The following UNC79 variants were observed in gnomAD, a reference collection of about 807,000 sequenced individuals.
The protein encoded by UNC79 is protein unc-79 homolog.
In UNC79, 37 loss-of-function variants were observed where a neutral mutation model predicts 283.1. That is an observed-to-expected ratio of 0.13 (90% CI 0.10 to 0.17). UNC79 has a LOEUF of 0.17. UNC79 is among the 10% of genes least tolerant of loss of function. The pLI is 1.00. For missense variants in UNC79, 2,272 were observed against 3,211.1 expected (o/e 0.71, Z 7.07); for synonymous variants, 1,107 against 1,200.2 (o/e 0.92, Z 1.61).
chr14:93,480,066 C>T (rs2058046337), intron 4 of UNC79, among the ~76,000 whole-genome samples: 1 of 152,184 alleles, frequency 6.6e-6, no homozygotes, highest in Non-Finnish European at 1.5e-5. Context: ...TGATAGCTGA[C>T]AATTTGTTTC....
At chr14:93,391,775 A>G (rs896720039) in intron 1 of UNC79, among the ~76,000 whole-genome samples, 3 of 152,216 alleles carry the variant, frequency 2.0e-5, no homozygotes, top group Non-Finnish European at 2.9e-5. Flanking sequence ...TATTAATTAA[A>G]AAAAGACGAT....
intron 2 of UNC79, among the ~76,000 whole-genome samples, chr14:93,470,575 T>C (rs2057449089): frequency 6.6e-6 from 1 of 152,224 alleles, no homozygotes; most frequent in African/African-American, 2.4e-5. Flanking sequence ...TAAATGTTTG[T>C]TGAATTGAAT....
intron 1 of UNC79, among the ~76,000 whole-genome samples, chr14:93,370,107 C>A (rs1423489769): frequency 6.6e-6 from 1 of 152,120 alleles, no homozygotes; most frequent in Non-Finnish European, 1.5e-5. Flanking sequence ...TTACTAAAGA[C>A]CTATTTATGG....
rs201135013 is a variant in UNC79, at chr14:93,641,177, A to G, written c.5833A>G (p.Ser1945Gly). 5.6e-6 allele frequency: 9 copies of G among 1,613,652 alleles called. No individual in the cohort carries two copies. Among genetic ancestry groups the G allele is most frequent in the Non-Finnish European group, 7.6e-6 (9 of 1,179,796 alleles). ...CAAATCCAGCCTGCTATCAGCACCAAGCATAGTCAGTATGTTTGTGCCTGC... is the reference window on the plus strand; with the variant it reads ...CAAATCCAGCCTGCTATCAGCACCAGGCATAGTCAGTATGTTTGTGCCTGC... Residue 1945 changes from serine (S) to glycine (G), a missense_variant, in exon 33 of 49, where the codon AGC (serine) becomes GGC (glycine). Coordinates refer to ENST00000555664, the Ensembl canonical transcript of UNC79.
intron 8 of UNC79, 123 bp downstream of exon 8, chr14:93,524,165 C>A: frequency 9.8e-7 from 1 of 1,023,024 alleles, no homozygotes; most frequent in Non-Finnish European, 1.5e-6. Context: ...ATTCGAAGTA[C>A]CTCCATATTC....
intron 11 of UNC79, among the ~76,000 whole-genome samples, chr14:93,532,846 G>A (rs1303787954): frequency 1.3e-5 from 2 of 152,042 alleles, no homozygotes; most frequent in Non-Finnish European, 2.9e-5. Flanking sequence ...TCTGGGATAG[G>A]AGTCCAATTA....
At chr14:93,637,122 A>C in intron 31 of UNC79, 94 bp from the exon 35 acceptor site, 1 of 773,586 alleles carries the variant, frequency 1.3e-6, no homozygotes, top group South Asian at 1.4e-5. Flanking sequence ...GTGACCAAAA[A>C]ATTGGCCCCC....
intron 4 of UNC79, among the ~76,000 whole-genome samples, chr14:93,482,838 G>A (rs2058210201): frequency 6.6e-6 from 1 of 152,094 alleles, no homozygotes; most frequent in African/African-American, 2.4e-5. Context: ...CTCCAAACAT[G>A]TAAATCAGAT....
intron 23 of UNC79, among the ~76,000 whole-genome samples, chr14:93,596,062 T>C (rs1381609046): frequency 6.6e-6 from 1 of 152,210 alleles, no homozygotes; most frequent in Non-Finnish European, 1.5e-5. Flanking sequence ...TCCGGTTTAA[T>C]TGATGAGATC....
intron 1 of UNC79, among the ~76,000 whole-genome samples, chr14:93,389,678 G>A (rs1214259651): frequency 6.7e-6 from 1 of 149,298 alleles, no homozygotes; most frequent in Admixed American, 6.7e-5. Flanking sequence ...TTAAGATGGA[G>A]TCTCACTCTG....
intron 13 of UNC79, among the ~76,000 whole-genome samples, chr14:93,541,724 G>T (rs1391767447): frequency 6.6e-6 from 1 of 152,060 alleles, no homozygotes; most frequent in Non-Finnish European, 1.5e-5. Context: ...TCTATTTATG[G>T]GCCGGGAGCG....
At chr14:93,686,603 A>G in exon 43 of UNC79, 1 of 1,614,210 alleles carries the variant, frequency 6.2e-7, no homozygotes, top group Non-Finnish European at 8.5e-7. Flanking sequence ...TGTGTGAGGC[A>G]GTACATCAAC....
At chr14:93,615,654 A>G (rs554232707) in intron 27 of UNC79, among the ~76,000 whole-genome samples, 30 of 138,094 alleles carry the variant, frequency 2.2e-4, no homozygotes, top group Non-Finnish European at 3.3e-4. Context: ...CCTGGGAGGT[A>G]GAGTTGCAGT....
chr14:93,658,693 G>A (rs1004192601), intron 38 of UNC79, among the ~76,000 whole-genome samples: 1 of 152,142 alleles, frequency 6.6e-6, no homozygotes, highest in East Asian at 1.9e-4. Context: ...CAGAGAAAGG[G>A]CAGATGAAAC....
At chr14:93,624,294 A>G (rs1444899058) in intron 30 of UNC79, among the ~76,000 whole-genome samples, 2 of 152,204 alleles carry the variant, frequency 1.3e-5, no homozygotes, top group African/African-American at 2.4e-5. Context: ...GGAAAGGGTC[A>G]TGCTCCAGCC....
chr14:93,456,590 C>A (rs2056802674), intron 1 of UNC79, among the ~76,000 whole-genome samples: 1 of 152,058 alleles, frequency 6.6e-6, no homozygotes, highest in African/African-American at 2.4e-5. Flanking sequence ...TTCTACTGCC[C>A]CTCCTAAGAT....
intron 1 of UNC79, among the ~76,000 whole-genome samples, chr14:93,368,617 C>T (rs1309531405): frequency 1.3e-5 from 2 of 152,026 alleles, no homozygotes. Flanking sequence ...ATTACAGGTG[C>T]ATGCCACCAC....
chr14:93,567,098 A>G (rs1270291055), intron 14 of UNC79, among the ~76,000 whole-genome samples: 1 of 152,226 alleles, frequency 6.6e-6, no homozygotes, highest in East Asian at 1.9e-4. Flanking sequence ...TGAATGGACC[A>G]TAGCCTACAC....
chr14:93,337,334 A>G (rs1347725238), intron 1 of UNC79, among the ~76,000 whole-genome samples: 1 of 152,214 alleles, frequency 6.6e-6, no homozygotes, highest in African/African-American at 2.4e-5. Context: ...TTTCCCCTCC[A>G]GTTGTCCATG....
Sources: allele counts gnomAD v4.1 joint callset (sites outside exome capture counted in the v4.1 genomes callset), GRCh38; gene constraint gnomAD v4.1.1; transcripts MANE v1.5; gene names NCBI Gene and HGNC (gene_info 2026-07-23, HGNC 2026-07-21).